Variants in PDS5A observed in about 807,000 individuals in gnomAD.
PDS5A encodes the protein sister chromatid cohesion protein PDS5 homolog A.
Under a neutral mutation model 167.1 loss-of-function variants are expected in PDS5A, and 42 were observed. The ratio of observed to expected loss-of-function variants is 0.25; its 90% CI spans 0.20 to 0.33. PDS5A has a LOEUF of 0.33. Ranked by LOEUF, PDS5A falls within the 10% of genes least tolerant of loss-of-function variation. The pLI is 1.00. For missense variants in PDS5A, 1,033 were observed against 1,605.9 expected (o/e 0.64, Z 6.10); for synonymous variants, 553 against 554.6 (o/e 1.00, Z 0.04).
At chr4:39,908,269 T>G in intron 11 of PDS5A, 126 bp downstream of exon 11, 2 of 766,730 alleles carry the variant, frequency 2.6e-6, no homozygotes, top group South Asian at 3.0e-5. Flanking sequence ...AATTAGGAGC[T>G]CTTTATCATT....
chr4:39,825,295 G>A lies in PDS5A; in HGVS notation c.*190C>T, dbSNP rs1715193577. Reference sequence around the variant, plus strand: ...AGCCTCTCTCTCAAGAGTTTCTGCTGTACATTTCCATCAGAGGACTTGTGG... The same window carrying A: ...AGCCTCTCTCTCAAGAGTTTCTGCTATACATTTCCATCAGAGGACTTGTGG... On this transcript the variant is annotated 3_prime_UTR_variant, in exon 33 of 33. Coordinates refer to ENST00000303538, the MANE Select transcript of PDS5A (RefSeq NM_001100399.2). The A allele has an allele frequency of 2.2e-6, 1 of 461,666 alleles. No individual in the cohort carries two copies. 28.6% of individuals were successfully genotyped at this position (461,666 alleles called of 1,614,324 possible). A position where few individuals can be genotyped will look rare whatever the true frequency, so the allele number is the denominator to read the frequency against.
At chr4:39,840,809 C>T (rs964490355) in intron 31 of PDS5A, among the ~76,000 whole-genome samples, 2 of 152,168 alleles carry the variant, frequency 1.3e-5, no homozygotes, top group Non-Finnish European at 2.9e-5. Flanking sequence ...GGCTGGAATG[C>T]AATGGCATGA....
intron 19 of PDS5A, among the ~76,000 whole-genome samples, chr4:39,874,922 T>C (rs1456337247): frequency 1.3e-5 from 2 of 152,228 alleles, no homozygotes; most frequent in Admixed American, 1.3e-4. Flanking sequence ...CTAACTATTA[T>C]GTGCCAGGCA....
chr4:39,855,904 C>T, intron 26 of PDS5A, among the ~76,000 whole-genome samples: 1 of 151,882 alleles, frequency 6.6e-6, no homozygotes. Flanking sequence ...CAGAAAGTAG[C>T]AGAAAAAATA....
chr4:39,957,350 A>T (rs926585760), intron 2 of PDS5A, among the ~76,000 whole-genome samples: 1 of 151,948 alleles, frequency 6.6e-6, no homozygotes, highest in African/African-American at 2.4e-5. Context: ...GCATACACTA[A>T]GTGATTTTTT....
intron 30 of PDS5A, among the ~76,000 whole-genome samples, 167 bp from the exon 31 acceptor site, chr4:39,842,223 T>C (rs1297973680): frequency 6.6e-6 from 1 of 152,230 alleles, no homozygotes; most frequent in Non-Finnish European, 1.5e-5. Flanking sequence ...TTTAAAAATA[T>C]CATTTTCCAT....
chr4:39,831,625 C>A (rs1302138639), intron 32 of PDS5A, among the ~76,000 whole-genome samples: 1 of 151,470 alleles, frequency 6.6e-6, no homozygotes, highest in East Asian at 1.9e-4. Context: ...CGCCTGCAAT[C>A]CCAGCACTTT....
intron 2 of PDS5A, among the ~76,000 whole-genome samples, chr4:39,965,947 T>C (rs1729930218): frequency 6.6e-6 from 1 of 152,172 alleles, no homozygotes; most frequent in South Asian, 2.1e-4. Flanking sequence ...TTATGTTATG[T>C]ATATTTTACC....
intron 31 of PDS5A, among the ~76,000 whole-genome samples, chr4:39,841,540 T>A (rs1412961133): frequency 1.4e-5 from 2 of 145,616 alleles, no homozygotes. Context: ...GGAGGCAGAG[T>A]CTGCCTCTGT....
chr4:39,827,805 C>T (rs1057295791), intron 32 of PDS5A, among the ~76,000 whole-genome samples: 19 of 152,152 alleles, frequency 1.2e-4, no homozygotes, highest in African/African-American at 4.3e-4. Flanking sequence ...AATTCAAATT[C>T]CCCAGAAGTC....
intron 2 of PDS5A, among the ~76,000 whole-genome samples, chr4:39,954,471 A>C (rs1231062076): frequency 1.3e-5 from 2 of 151,750 alleles, no homozygotes; most frequent in South Asian, 2.1e-4. Context: ...GGCATGTGCC[A>C]CCACCCTCGG....
At chr4:39,906,137 A>G (rs1723319336) in intron 11 of PDS5A, among the ~76,000 whole-genome samples, 1 of 152,180 alleles carries the variant, frequency 6.6e-6, no homozygotes, top group African/African-American at 2.4e-5. Flanking sequence ...AGGTGGAAGC[A>G]GGCACAGATC....
At chr4:39,841,075 C>T (rs980540403) in intron 31 of PDS5A, among the ~76,000 whole-genome samples, 47 of 151,930 alleles carry the variant, frequency 3.1e-4, no homozygotes, top group Admixed American at 2.3e-3. Context: ...TTTAAAAACA[C>T]AGTAGAAACA....
At chr4:39,921,643 T>TTGGGAGGCTGAGG (rs1724984937) in intron 6 of PDS5A, among the ~76,000 whole-genome samples, 1 of 148,938 alleles carries the variant, frequency 6.7e-6, no homozygotes, top group Non-Finnish European at 1.5e-5. Flanking sequence ...TGCCAGCTAC[T>TTGGGAGGCTGAGG]TGGGAGGCTG....
In PDS5A at chr4:39,925,931, A is replaced by G. The variant is rs1292050980; in HGVS notation, c.432T>C (p.Asn144=). ...TGTTATATGATTTAACCCAAGCTAA[A>G]TTCTTAAATAAATAAAAATAATTAT... ...QFNRYFYLLE[N]LAWVKSYNIC... Residue 144 remains asparagine, a splice_region_variant and synonymous_variant, in exon 5 of 33, where the codon AAT becomes AAC. Transcript: ENST00000303538. 8.5e-7 allele frequency: 1 copy of G among 1,179,784 alleles called. No individual in the cohort carries two copies. The highest frequency in any genetic ancestry group is 2.6e-5 in the East Asian group (1 of 38,146). The allele number at this position is 1,179,784 out of a possible 1,614,324, so 73.1% of individuals were successfully genotyped here.
At chr4:39,886,805 G>A (rs2109609708) in intron 17 of PDS5A, among the ~76,000 whole-genome samples, 1 of 151,696 alleles carries the variant, frequency 6.6e-6, no homozygotes, top group Middle Eastern at 3.4e-3. Context: ...TCCTCCATCA[G>A]CGTTTTAAAG....
At chr4:39,931,891 CTTTT>C (rs372230505) in intron 2 of PDS5A, among the ~76,000 whole-genome samples, 3 of 136,110 alleles carry the variant, frequency 2.2e-5, no homozygotes, top group East Asian at 2.1e-4. Context: ...GGTCAGGTGA[CTTTT>C]TTTTTTTTTT....
intron 17 of PDS5A, among the ~76,000 whole-genome samples, chr4:39,884,663 A>T (rs1040190569): frequency 2.2e-4 from 33 of 152,020 alleles, no homozygotes; most frequent in Admixed American, 2.1e-3. Context: ...CTGTGATAAC[A>T]CTCTTTCCCA....
In PDS5A at chr4:39,857,999, C is replaced by G. The variant is rs551937538; in HGVS notation, c.3086+4220G>C. ...ATAAAATGTTTAGAAATAAATTTAA[C>G]CAAGGAAGACGAAGACCTATACCCA... On this transcript the variant is annotated intron_variant, in intron 26 of 32. Coordinates refer to ENST00000303538, the MANE Select transcript of PDS5A (RefSeq NM_001100399.2). 1.6e-3 allele frequency among the ~76,000 whole-genome samples: 242 copies of G among 151,816 alleles called. 1 individual carries two copies. The highest frequency in any genetic ancestry group is 0.011 in the South Asian group (54 of 4,816).
Sources: allele counts gnomAD v4.1 joint callset (sites outside exome capture counted in the v4.1 genomes callset), GRCh38; gene constraint gnomAD v4.1.1; transcripts MANE v1.5; gene names NCBI Gene and HGNC (gene_info 2026-07-23, HGNC 2026-07-21).